RCAN2: variants seen among roughly 807,000 people sequenced by gnomAD.
The protein encoded by RCAN2 is regulator of calcineurin 2.
Under a neutral mutation model 23.6 loss-of-function variants are expected in RCAN2, and 9 were observed. The observed-to-expected ratio is 0.38, with a 90% CI of 0.23 to 0.67. The LOEUF (loss-of-function observed/expected upper bound fraction) is 0.67, where lower values mean the gene tolerates loss of function less well. Among genes scored for constraint, RCAN2 ranks in the 30% least tolerant of loss-of-function variants. The pLI is 0.51. For synonymous variants in RCAN2, 109 were observed against 115.7 expected (o/e 0.94, Z 0.37); for missense variants, 273 against 302.3 (o/e 0.90, Z 0.72).
chr6:46,428,028 T>C (rs1298509635), intron 2 of RCAN2, among the ~76,000 whole-genome samples: 1 of 152,070 alleles, frequency 6.6e-6, no homozygotes. Flanking sequence ...ACAATTCAGC[T>C]ACAGGGTGAA....
intron 2 of RCAN2, among the ~76,000 whole-genome samples, chr6:46,303,002 G>C (rs1444796624): frequency 6.6e-6 from 1 of 151,934 alleles, no homozygotes; most frequent in Admixed American, 6.6e-5. Flanking sequence ...TTGGAGGCAG[G>C]TTTTCTCTGA....
intron 2 of RCAN2, among the ~76,000 whole-genome samples, chr6:46,307,515 A>C (rs569682992): frequency 2.6e-5 from 4 of 152,228 alleles, no homozygotes; most frequent in African/African-American, 7.2e-5. Flanking sequence ...CCTACATCCA[A>C]AAGGTGATGA....
chr6:46,351,478 G>T (rs1764644424), intron 2 of RCAN2, among the ~76,000 whole-genome samples: 1 of 152,086 alleles, frequency 6.6e-6, no homozygotes, highest in South Asian at 2.1e-4. Flanking sequence ...TGTGTAGCAG[G>T]GATTTGAAGG....
At chr6:46,338,750 C>T (rs1056503090) in intron 2 of RCAN2, among the ~76,000 whole-genome samples, 5 of 152,034 alleles carry the variant, frequency 3.3e-5, no homozygotes, top group East Asian at 1.9e-4. Flanking sequence ...TGGTGGCTCA[C>T]GCTTATAATC....
rs1186766620 is a variant in RCAN2 at position 46,466,774 on chromosome 6, C to A, written c.-2-9796G>T. 5.9e-5 allele frequency among the ~76,000 whole-genome samples: 9 copies of A among 152,338 alleles called. No individual in the cohort carries two copies. In the East Asian group the frequency reaches 1.7e-3, roughly 29 times the overall value. ...ATCAACGCTGAAAAAAATCACAAGTCTCAGTATCAAGTTCCAGCTCAGTCC... is the reference window on the plus strand; with the variant it reads ...ATCAACGCTGAAAAAAATCACAAGTATCAGTATCAAGTTCCAGCTCAGTCC... On this transcript the variant is annotated intron_variant, in intron 1 of 4. Transcript: ENST00000371374.
intron 2 of RCAN2, among the ~76,000 whole-genome samples, chr6:46,282,477 A>AAAACAAAC (rs147302163): frequency 1.1e-4 from 16 of 150,672 alleles, no homozygotes; most frequent in African/African-American, 3.7e-4. Flanking sequence ...ACTCTGTCTC[A>AAAACAAAC]AAACAAACAA....
Position 46,423,355 on chromosome 6 carries a change from T to C in RCAN2, c.225+33397A>G, listed in dbSNP as rs114677552. On this transcript the variant is annotated intron_variant, in intron 2 of 4. Coordinates refer to ENST00000371374, the MANE Select transcript of RCAN2 (RefSeq NM_001251974.2). ...ACTCTAGATGGCCAATCCTATAGTG[T>C]TTGTATTTTACACTTTTCAATATTG... Among the ~76,000 whole-genome samples, 1,281 of 152,266 alleles carry C rather than the reference T, an allele frequency of 8.4e-3. 17 individuals carry two copies. The highest frequency in any genetic ancestry group is 0.028 in the African/African-American group (1,170 of 41,544).
At chr6:46,483,951 T>C (rs1039369533) in intron 1 of RCAN2, among the ~76,000 whole-genome samples, 5 of 152,222 alleles carry the variant, frequency 3.3e-5, no homozygotes, top group Non-Finnish European at 5.9e-5. Context: ...TGAATTTACA[T>C]TGCTATTTCA....
intron 2 of RCAN2, among the ~76,000 whole-genome samples, chr6:46,451,015 C>T (rs1767866341): frequency 6.6e-6 from 1 of 151,976 alleles, no homozygotes; most frequent in Non-Finnish European, 1.5e-5. Context: ...TTCAATACAT[C>T]ATATTGTATA....
chr6:46,434,066 G>A (rs558047964), intron 2 of RCAN2, among the ~76,000 whole-genome samples: 1 of 152,246 alleles, frequency 6.6e-6, no homozygotes, highest in South Asian at 2.1e-4. Flanking sequence ...ATTTATCATT[G>A]GTACTTTAAA....
At chr6:46,310,076 C>T (rs990857939) in intron 2 of RCAN2, among the ~76,000 whole-genome samples, 1 of 152,074 alleles carries the variant, frequency 6.6e-6, no homozygotes, top group African/African-American at 2.4e-5. Flanking sequence ...AAGGTGTTTC[C>T]CATCCTTTGG....
At chr6:46,479,424 A>G (rs1561922208) in intron 1 of RCAN2, among the ~76,000 whole-genome samples, 2 of 152,168 alleles carry the variant, frequency 1.3e-5, no homozygotes, top group Non-Finnish European at 2.9e-5. Context: ...TGTAACACCA[A>G]TTCCGTTCAA....
At chr6:46,450,953 G>A (rs1767863417) in intron 2 of RCAN2, among the ~76,000 whole-genome samples, 1 of 151,968 alleles carries the variant, frequency 6.6e-6, no homozygotes, top group African/African-American at 2.4e-5. Context: ...AGTATGGGAG[G>A]TAATGTATAT....
intron 4 of RCAN2, among the ~76,000 whole-genome samples, chr6:46,243,122 G>C (rs757016274): frequency 5.9e-5 from 9 of 152,176 alleles, no homozygotes; most frequent in Non-Finnish European, 8.8e-5. Flanking sequence ...GACGCGATGT[G>C]GGGGAGGATG....
At chr6:46,472,396 A>G (rs1768581165) in intron 1 of RCAN2, among the ~76,000 whole-genome samples, 1 of 152,176 alleles carries the variant, frequency 6.6e-6, no homozygotes. Flanking sequence ...ACATATCGCT[A>G]TATTTAGGTA....
chr6:46,290,230 T>C (rs1262406701), intron 2 of RCAN2, among the ~76,000 whole-genome samples: 1 of 152,176 alleles, frequency 6.6e-6, no homozygotes, highest in African/African-American at 2.4e-5. Flanking sequence ...ATTTTATCCA[T>C]TTGGTACTCT....
intron 1 of RCAN2, among the ~76,000 whole-genome samples, chr6:46,476,327 C>T (rs1459653327): frequency 1.3e-5 from 2 of 152,086 alleles, no homozygotes; most frequent in Non-Finnish European, 2.9e-5. Context: ...AACAAATAAT[C>T]CATAAAGCTA....
chr6:46,362,826 G>T (rs574409833), intron 2 of RCAN2, among the ~76,000 whole-genome samples: 3 of 152,194 alleles, frequency 2.0e-5, no homozygotes, highest in African/African-American at 7.2e-5. Context: ...GGCATCCTAG[G>T]CTCCTGCATA....
chr6:46,454,604 C>T (rs919675674), intron 2 of RCAN2, among the ~76,000 whole-genome samples: 2 of 152,174 alleles, frequency 1.3e-5, no homozygotes, highest in African/African-American at 4.8e-5. Flanking sequence ...ACATAGACTT[C>T]AGCCAATTAT....
Sources: allele counts gnomAD v4.1 joint callset (sites outside exome capture counted in the v4.1 genomes callset), GRCh38; gene constraint gnomAD v4.1.1; transcripts MANE v1.5; gene names NCBI Gene and HGNC (gene_info 2026-07-23, HGNC 2026-07-21).